The following LRRC47 variants were observed in gnomAD, a reference collection of about 807,000 sequenced individuals.
The protein encoded by LRRC47 is leucine rich repeat containing 47.
A neutral mutation model predicts 40.9 loss-of-function variants in LRRC47; 31 were observed. The ratio of observed to expected loss-of-function variants is 0.76; its 90% CI spans 0.57 to 1.02. The LOEUF is 1.02. Ranked by LOEUF, LRRC47 falls within the 50% of genes least tolerant of loss-of-function variation. The pLI is 0.00. For missense variants in LRRC47, 726 were observed against 796.1 expected (o/e 0.91, Z 1.06); for synonymous variants, 427 against 371.9 (o/e 1.15, Z -1.70).
intron 4 of LRRC47, 165 bp downstream of exon 4, chr1:3,783,831 C>T: frequency 6.5e-6 from 4 of 617,066 alleles, no homozygotes; most frequent in Non-Finnish European, 8.5e-6. Flanking sequence ...AGACTGGTTC[C>T]ACAACGTCTC....
At chr1:3,793,647 T>G (rs1326575817) in intron 1 of LRRC47, among the ~76,000 whole-genome samples, 1 of 152,166 alleles carries the variant, frequency 6.6e-6, no homozygotes, top group Admixed American at 6.5e-5. Flanking sequence ...CTAGCAGCAC[T>G]GTGGAACCTA....
At chr1:3,782,364 A>G (rs113838899) in intron 5 of LRRC47, among the ~76,000 whole-genome samples, 18,605 of 151,988 alleles carry the variant, frequency 0.12, 1,210 homozygotes, top group African/African-American at 0.14. Context: ...GACTACAGGT[A>G]TGTGCCACTA....
chr1:3,786,664 C>T (rs559137481), intron 2 of LRRC47, among the ~76,000 whole-genome samples, 185 bp downstream of exon 2: 1 of 152,308 alleles, frequency 6.6e-6, no homozygotes, highest in Admixed American at 6.5e-5. Flanking sequence ...CCCTCCTCAG[C>T]AACACCTGAG....
Position 3,781,797 on chromosome 1 carries a change from C to T in LRRC47, c.1414-196G>A, listed in dbSNP as rs188039325. 2.9e-3 allele frequency among the ~76,000 whole-genome samples: 446 copies of T among 152,186 alleles called. 2 individuals carry two copies. The highest frequency in any genetic ancestry group is 0.01 in the African/African-American group (419 of 41,518). ...GAGTTCAAGACCAGCCTGGACAACA[C>T]AGCAAGACCCCATCTCTACAAAAAA... is the stretch of plus-strand genomic sequence containing the variant. On this transcript the variant is annotated intron_variant, in intron 5 of 6. Coordinates refer to ENST00000378251, the MANE Select transcript of LRRC47 (RefSeq NM_020710.3).
rs1451699424 is a variant in LRRC47 at position 3,779,644 on chromosome 1, A to C, written c.*1444T>G. 6.6e-6 allele frequency: 1 copy of C among 152,168 alleles called. No individual in the cohort carries two copies. The highest frequency in any genetic ancestry group is 2.4e-5 in the African/African-American group (1 of 41,424). The allele number at this position is 152,168 out of a possible 1,614,324, so 9.4% of individuals were successfully genotyped here. A position where few individuals can be genotyped will look rare whatever the true frequency, so the allele number is the denominator to read the frequency against. On this transcript the variant is annotated 3_prime_UTR_variant, in exon 7 of 7. Transcript: ENST00000378251. ...CATAAATGAAGATTTTTGGCTCAAA[A>C]ACCTAAGCATCCTCCAGCTTTTGCT...
At position 3,780,922 on chromosome 1, in the gene LRRC47, C is replaced by A; in HGVS notation, c.*166G>T. 2 of 1,018,592 alleles carry A rather than the reference C, an allele frequency of 2.0e-6. No homozygotes were observed. The highest frequency in any genetic ancestry group is 2.8e-6 in the Non-Finnish European group (2 of 712,844). The allele number at this position is 1,018,592 out of a possible 1,614,324, so 63.1% of individuals were successfully genotyped here. On this transcript the variant is annotated 3_prime_UTR_variant, in exon 7 of 7. Coordinates refer to ENST00000378251, the MANE Select transcript of LRRC47 (RefSeq NM_020710.3). ...ACCCAGGAGACACAGGCTGCAGTGA[C>A]TCGAGATCACGCCACTGCACTCCAG...
intron 5 of LRRC47, among the ~76,000 whole-genome samples, chr1:3,782,455 C>T (rs760206250): frequency 1.6e-4 from 24 of 152,248 alleles, no homozygotes; most frequent in Non-Finnish European, 2.8e-4. Context: ...CCGCCACGCC[C>T]GGCGAATTTT....
intron 3 of LRRC47, 67 bp downstream of exon 3, chr1:3,785,020 T>TA: frequency 8.0e-7 from 1 of 1,248,076 alleles, no homozygotes; most frequent in South Asian, 1.4e-5. Flanking sequence ...CGGGCTGCAG[T>TA]AGCAGCATGG....
chr1:3,786,894 C>G lies in LRRC47; in HGVS notation c.1032G>C (p.Met344Ile), dbSNP rs750242992. 2 of 1,605,098 alleles carry G rather than the reference C, an allele frequency of 1.2e-6. No individual in the cohort carries two copies. The highest frequency in any genetic ancestry group is 1.7e-6 in the Non-Finnish European group (2 of 1,175,980). The change falls in exon 2 of 7, where the codon ATG becomes ATC. Residue 344 changes from methionine (M) to isoleucine (I), a missense_variant. Physicochemically the swap from Met to Ile is conservative, Grantham distance 10 (BLOSUM62 1). Coordinates refer to ENST00000378251, the MANE Select transcript of LRRC47 (RefSeq NM_020710.3). Reference protein sequence around the residue: ...PYIVGAVVRGMDLQPGNALKR... With the variant: ...PYIVGAVVRGIDLQPGNALKR... ...TGAGTGCATTCCCTGGCTGCAGGTC[C>G]ATGCCTCGCACCACGGCCCCCACAA...
At chr1:3,792,319 CAG>C (rs1402725665) in intron 1 of LRRC47, among the ~76,000 whole-genome samples, 23 of 152,178 alleles carry the variant, frequency 1.5e-4, no homozygotes, top group South Asian at 4.1e-4. Context: ...AATTTACGAA[CAG>C]AATGGCCCAG....
intron 4 of LRRC47, chr1:3,783,037 C>T: frequency 2.1e-6 from 1 of 470,332 alleles, no homozygotes. Flanking sequence ...AGCTCCGGTG[C>T]TGATCAGTAG....
chr1:3,785,020 T>TAGCAG, intron 3 of LRRC47, 67 bp downstream of exon 3: 1 of 1,248,076 alleles, frequency 8.0e-7, no homozygotes, highest in Admixed American at 2.6e-5. Flanking sequence ...CGGGCTGCAG[T>TAGCAG]AGCAGCATGG....
intron 1 of LRRC47, among the ~76,000 whole-genome samples, chr1:3,789,334 CTG>C (rs1643606220): frequency 6.6e-6 from 1 of 152,272 alleles, no homozygotes; most frequent in African/African-American, 2.4e-5. Flanking sequence ...ATCTGAGGTT[CTG>C]CTCTGTGGGT....
Position 3,795,927 on chromosome 1 carries a change from G to A in LRRC47, c.550C>T (p.Leu184=). 6.2e-7 allele frequency: 1 copy of A among 1,601,122 alleles called. No homozygotes were observed. The highest frequency in any genetic ancestry group is 1.3e-5 in the African/African-American group (1 of 74,566). ...CGGAGGCAGTTGTCAGCAGCCGCCAGTTCACTGAGCAGGGGCAGCGCGCCG... is the reference window on the plus strand; with the variant it reads ...CGGAGGCAGTTGTCAGCAGCCGCCAATTCACTGAGCAGGGGCAGCGCGCCG... The part of the protein sequence containing the change: ...RPGALPLLSE[L]AAADNCLREL... Residue 184 remains leucine (L), a synonymous_variant, in exon 1 of 7, where the codon CTG becomes TTG. Coordinates refer to ENST00000378251, the MANE Select transcript of LRRC47 (RefSeq NM_020710.3).
At chr1:3,787,417 T>A in intron 1 of LRRC47, 107 bp from the exon 2 acceptor site, 1 of 1,113,074 alleles carries the variant, frequency 9.0e-7, no homozygotes, top group Non-Finnish European at 1.3e-6. Context: ...GAGCCACCAC[T>A]GGCCTGTCTG....
At position 3,796,415 on chromosome 1, in the gene LRRC47, C is replaced by T; in HGVS notation, c.62G>A (p.Arg21Gln). Residue 21 changes from arginine (R) to glutamine (Q), a missense_variant, in exon 1 of 7, where the codon CGG becomes CAG. Transcript: ENST00000378251. ...PELELAERER[R>Q]RELLLTGPGL... ...GGGCCCCGTCAGCAGCAGCTCCCGC[C>T]GCCGCTCGCGCTCAGCCAGCTCCAG... 2 of 1,517,526 alleles carry T rather than the reference C, an allele frequency of 1.3e-6. No homozygotes were observed. Among genetic ancestry groups the T allele is most frequent in the Non-Finnish European group, 1.8e-6 (2 of 1,140,482 alleles). 94.0% of individuals were successfully genotyped at this position (1,517,526 alleles called of 1,614,324 possible). A position where few individuals can be genotyped will look rare whatever the true frequency, so the allele number is the denominator to read the frequency against.
chr1:3,795,666 G>A (rs951586881), intron 1 of LRRC47, among the ~76,000 whole-genome samples, 196 bp downstream of exon 1: 3 of 152,262 alleles, frequency 2.0e-5, no homozygotes, highest in African/African-American at 7.2e-5. Flanking sequence ...GTGGCCAGGA[G>A]AAGGGGGAGT....
chr1:3,788,494 G>C (rs1338210600), intron 1 of LRRC47, among the ~76,000 whole-genome samples: 2 of 152,170 alleles, frequency 1.3e-5, no homozygotes, highest in African/African-American at 4.8e-5. Flanking sequence ...GGCTGGACTT[G>C]ATAGACTCTG....
At chr1:3,795,080 T>C (rs1643661083) in intron 1 of LRRC47, among the ~76,000 whole-genome samples, 1 of 145,210 alleles carries the variant, frequency 6.9e-6, no homozygotes, top group Non-Finnish European at 1.5e-5. Flanking sequence ...AAAAGAAATG[T>C]CTGCATAAAT....
Sources: allele counts gnomAD v4.1 joint callset (sites outside exome capture counted in the v4.1 genomes callset), GRCh38; gene constraint gnomAD v4.1.1; transcripts MANE v1.5; gene names NCBI Gene and HGNC (gene_info 2026-07-23, HGNC 2026-07-21).